The following ODAD2 variants were observed in gnomAD, a reference collection of about 807,000 sequenced individuals.
ODAD2 encodes the protein outer dynein arm-docking complex subunit 2.
In ODAD2, 89 loss-of-function variants were observed where a neutral mutation model predicts 106.8. The observed-to-expected ratio is 0.83, with a 90% CI of 0.70 to 0.99. The LOEUF (loss-of-function observed/expected upper bound fraction) is 0.99. Ranked by LOEUF, ODAD2 falls within the 50% of genes least tolerant of loss-of-function variation. The probability of loss-of-function intolerance (pLI) is 0.00; values close to 1 mark genes in which losing one functional copy is unlikely to be tolerated. For missense variants in ODAD2, 1,168 were observed against 1,238.5 expected, an observed-to-expected ratio of 0.94 and a Z score of 0.85; for synonymous variants, 404 against 436.2, an observed-to-expected ratio of 0.93 and a Z score of 0.92.
At chr10:27,834,855 G>C (rs531101590) in intron 19 of ODAD2, among the ~76,000 whole-genome samples, 18 of 152,260 alleles carry the variant, frequency 1.2e-4, no homozygotes, top group African/African-American at 4.1e-4. Flanking sequence ...CTAAGTCATA[G>C]AGTCTCCAAA....
intron 9 of ODAD2, among the ~76,000 whole-genome samples, chr10:27,967,456 AAAT>A (rs1848555246): frequency 6.6e-6 from 1 of 152,240 alleles, no homozygotes; most frequent in Non-Finnish European, 1.5e-5. Context: ...TACCCTCCAG[AAAT>A]AATGAGGACT....
rs370344011 is a variant in ODAD2, at chr10:27,987,790, C to T, written c.225-247G>A. The stretch of plus-strand genomic sequence containing the variant: ...AAGGAAGAATTTTTTTTTTTTTTAG[C>T]AATTTCTTGAATTCACAATTGAACT... On this transcript the variant is annotated intron_variant, in intron 2 of 19. Transcript: ENST00000305242. Among the ~76,000 whole-genome samples, 76 of 149,486 alleles carry T rather than the reference C, an allele frequency of 5.1e-4. 2 individuals are homozygous for T. The South Asian group carries it at 0.015, about 29-fold the overall frequency.
intron 17 of ODAD2, among the ~76,000 whole-genome samples, chr10:27,885,507 C>T (rs1295119865): frequency 8.0e-5 from 1 of 12,428 alleles, no homozygotes; most frequent in East Asian, 2.1e-3. Context: ...GAGACTCCAT[C>T]TCAAAAAAAA....
At chr10:27,954,648 C>T (rs1225778248) in intron 10 of ODAD2, among the ~76,000 whole-genome samples, 4 of 152,208 alleles carry the variant, frequency 2.6e-5, no homozygotes, top group Non-Finnish European at 2.9e-5. Flanking sequence ...GTCAGTAGCA[C>T]TGTATTATCA....
intron 17 of ODAD2, among the ~76,000 whole-genome samples, chr10:27,870,597 A>T (rs191976413): frequency 1.2e-4 from 19 of 152,028 alleles, no homozygotes; most frequent in Non-Finnish European, 2.5e-4. Flanking sequence ...GAGTGAGAAT[A>T]TGCGGTGTTT....
chr10:27,952,025 A>G (rs931340107), intron 10 of ODAD2, among the ~76,000 whole-genome samples: 7 of 145,442 alleles, frequency 4.8e-5, no homozygotes, highest in African/African-American at 1.8e-4. Context: ...CAGTGAGCCA[A>G]GATCGTGAAA....
intron 19 of ODAD2, 26 bp from the exon 20 acceptor site, chr10:27,812,651 G>T (rs767086472): frequency 6.5e-7 from 1 of 1,541,214 alleles, no homozygotes; most frequent in Non-Finnish European, 8.7e-7. Context: ...AGGAGAAGAA[G>T]GGACACAAGA....
rs968226713 is a variant in ODAD2, at chr10:27,812,492, T to C, written c.*20A>G. The C allele has an allele frequency of 6.2e-7, 1 of 1,611,638 alleles. No homozygotes were observed. Among genetic ancestry groups the C allele is most frequent in the Non-Finnish European group, 8.5e-7 (1 of 1,178,800 alleles). On this transcript the variant is annotated 3_prime_UTR_variant, in exon 20 of 20. Transcript: ENST00000305242. ...CCTGTGTCATGTAGAATTTGATAGC[T>C]TGTAATGTCCATTTAAATTTCAAGT...
intron 17 of ODAD2, among the ~76,000 whole-genome samples, chr10:27,885,549 AATATATAAATATAAAT>A (rs1842048450): frequency 6.6e-5 from 1 of 15,114 alleles, no homozygotes; most frequent in Non-Finnish European, 1.2e-4. Flanking sequence ...TATATATATA[AATATATAAATATAAAT>A]ATATATATAT....
intron 19 of ODAD2, among the ~76,000 whole-genome samples, chr10:27,824,582 A>T (rs1159155724): frequency 1.3e-5 from 2 of 152,244 alleles, no homozygotes; most frequent in African/African-American, 4.8e-5. Flanking sequence ...CTGTTATAGC[A>T]GCAGAAAATG....
intron 18 of ODAD2, 81 bp downstream of exon 18, chr10:27,862,353 A>G: frequency 8.7e-7 from 1 of 1,144,378 alleles, no homozygotes. Context: ...AGGTTTCTGG[A>G]CTGCAAATGC....
chr10:27,816,225 C>T (rs143347478), intron 19 of ODAD2, among the ~76,000 whole-genome samples: 1 of 152,312 alleles, frequency 6.6e-6, no homozygotes, highest in East Asian at 1.9e-4. Context: ...ATGAACTATT[C>T]ATACTGTATC....
At chr10:27,963,621 A>C (rs754510767) in intron 9 of ODAD2, among the ~76,000 whole-genome samples, 1 of 147,182 alleles carries the variant, frequency 6.8e-6, no homozygotes, top group Non-Finnish European at 1.5e-5. Flanking sequence ...CTTGTTGCTA[A>C]GGCCTTATAT....
At chr10:27,880,665 C>CA (rs1358578440) in intron 17 of ODAD2, among the ~76,000 whole-genome samples, 1 of 152,160 alleles carries the variant, frequency 6.6e-6, no homozygotes, top group African/African-American at 2.4e-5. Flanking sequence ...TGCCCTTCCC[C>CA]ATTCTGCCAT....
intron 19 of ODAD2, among the ~76,000 whole-genome samples, chr10:27,849,374 G>C (rs1308554810): frequency 6.6e-6 from 1 of 151,278 alleles, no homozygotes; most frequent in Non-Finnish European, 1.5e-5. Flanking sequence ...GACACAGGAA[G>C]GGGAACATCA....
intron 7 of ODAD2, among the ~76,000 whole-genome samples, chr10:27,977,793 T>C (rs143781230): frequency 6.6e-6 from 1 of 152,274 alleles, no homozygotes; most frequent in Non-Finnish European, 1.5e-5. Context: ...CATGAAAAGA[T>C]GCATTCAAGA....
At chr10:27,940,535 G>A (rs199551566) in intron 13 of ODAD2, 28 bp downstream of exon 13, 2 of 1,608,242 alleles carry the variant, frequency 1.2e-6, no homozygotes, top group South Asian at 2.2e-5. Context: ...AGTTGAGAAG[G>A]CAAGGGAAGC....
intron 16 of ODAD2, among the ~76,000 whole-genome samples, chr10:27,924,988 G>GAA (rs34887332): frequency 0.013 from 1,605 of 127,874 alleles, 17 homozygotes; most frequent in Admixed American, 0.024. Flanking sequence ...TATTTAAAAT[G>GAA]AAAAAAAAAA....
chr10:27,907,845 C>T, intron 16 of ODAD2, 68 bp from the exon 17 acceptor site: 1 of 1,050,100 alleles, frequency 9.5e-7, no homozygotes, highest in Non-Finnish European at 1.4e-6. Context: ...TTTAATGACC[C>T]ACTTATTTAA....
Sources: allele counts gnomAD v4.1 joint callset (sites outside exome capture counted in the v4.1 genomes callset), GRCh38; gene constraint gnomAD v4.1.1; transcripts MANE v1.5; gene names NCBI Gene and HGNC (gene_info 2026-07-23, HGNC 2026-07-21).